The following RBFOX1 variants were observed in gnomAD, a reference collection of about 807,000 sequenced individuals.
RBFOX1 encodes RNA binding protein fox-1 homolog 1.
In RBFOX1, 8 loss-of-function variants were observed where a neutral mutation model predicts 57.7. The ratio of observed to expected loss-of-function variants is 0.14; its 90% CI spans 0.08 to 0.25. RBFOX1 has a LOEUF of 0.25. RBFOX1 is among the 10% of genes least tolerant of loss of function. RBFOX1 has a pLI of 1.00. For missense variants in RBFOX1, 611 were observed against 548.5 expected (o/e 1.11, Z -1.14); for synonymous variants, 326 against 222.4 (o/e 1.47, Z -4.15).
chr16:7,022,276 C>G (rs1033000090), intron 3 of RBFOX1, among the ~76,000 whole-genome samples: 3 of 151,212 alleles, frequency 2.0e-5, no homozygotes, highest in Non-Finnish European at 4.4e-5. Flanking sequence ...TCGTCTTGAA[C>G]TCAAGACATT....
intron 1 of RBFOX1, among the ~76,000 whole-genome samples, chr16:6,111,267 C>T (rs2096443603): frequency 6.6e-6 from 1 of 152,210 alleles, no homozygotes; most frequent in Non-Finnish European, 1.5e-5. Flanking sequence ...CATTGTTGGA[C>T]ATACAGGTCT....
chr16:6,796,092 C>G (rs886826030), intron 3 of RBFOX1, among the ~76,000 whole-genome samples: 1 of 152,124 alleles, frequency 6.6e-6, no homozygotes. Context: ...GCTTACATTT[C>G]CACGTGGCTG....
chr16:5,557,893 C>T (rs2151098506), intron 2 of RBFOX1, among the ~76,000 whole-genome samples: 1 of 152,308 alleles, frequency 6.6e-6, no homozygotes, highest in African/African-American at 2.4e-5. Flanking sequence ...CACCGACAAA[C>T]AGCTGAAGGT....
intron 4 of RBFOX1, among the ~76,000 whole-genome samples, chr16:5,938,052 A>G (rs1457356258): frequency 6.6e-6 from 1 of 152,144 alleles, no homozygotes; most frequent in East Asian, 1.9e-4. Context: ...TCACATGAGT[A>G]TTTATTTTTT....
chr16:6,710,154 G>C lies in RBFOX1; in HGVS notation c.-16+55504G>C, dbSNP rs12597080. Among the ~76,000 whole-genome samples, 602 of 152,274 alleles carry C rather than the reference G, an allele frequency of 4.0e-3. 19 individuals are homozygous for C. The East Asian group carries it at 0.059, about 15-fold the overall frequency. ...ACTGAGGGGAGTCCAAATCCAAGCC[G>C]TGTGTCTCTAGAACTGTAGTTTCTA... On this transcript the variant is annotated intron_variant, in intron 3 of 15. Coordinates refer to ENST00000550418, the MANE Select transcript of RBFOX1 (RefSeq NM_018723.4).
intron 4 of RBFOX1, among the ~76,000 whole-genome samples, chr16:7,132,522 G>T (rs1843096549): frequency 1.4e-5 from 2 of 147,724 alleles, no homozygotes; most frequent in Non-Finnish European, 3.0e-5. Flanking sequence ...ATGTATTCAG[G>T]TATAAGTATT....
chr16:5,804,600 C>T (rs1325002634), intron 3 of RBFOX1, among the ~76,000 whole-genome samples: 2 of 152,084 alleles, frequency 1.3e-5, no homozygotes. Context: ...AGGGGACCTG[C>T]CCTCTGTGTG....
rs377142465 is a variant in RBFOX1, at chr16:7,253,157, C to A, written c.27+201059C>A. On this transcript the variant is annotated intron_variant, in intron 4 of 15. Transcript: ENST00000550418. Reference sequence around the variant, plus strand: ...TTTTGATGGCTCCGCTGGATAAAATCTCTTCTCCACTTTCTTGTTTCTTTG... The same window carrying A: ...TTTTGATGGCTCCGCTGGATAAAATATCTTCTCCACTTTCTTGTTTCTTTG... Among the ~76,000 whole-genome samples, 47 of 152,318 alleles carry A rather than the reference C, an allele frequency of 3.1e-4. No homozygotes were observed. In the South Asian group the frequency reaches 9.7e-3, roughly 32 times the overall value.
At chr16:7,665,567 G>A (rs2068997008) in intron 13 of RBFOX1, among the ~76,000 whole-genome samples, 1 of 152,036 alleles carries the variant, frequency 6.6e-6, no homozygotes, top group African/African-American at 2.4e-5. Context: ...TTGCTAAATA[G>A]TAACACTTTA....
At chr16:7,281,582 A>G (rs1398454166) in intron 4 of RBFOX1, among the ~76,000 whole-genome samples, 4 of 152,122 alleles carry the variant, frequency 2.6e-5, no homozygotes, top group Non-Finnish European at 5.9e-5. Flanking sequence ...TGGGCACAAT[A>G]TCTGGTGTTG....
chr16:7,121,380 C>T lies in RBFOX1; in HGVS notation c.27+69282C>T, dbSNP rs1342228591. ...TATAAAATCCCAAGGAACTCTAAAA[C>T]CTCTTAGGTGAAAACATAAATATCA... On this transcript the variant is annotated intron_variant, in intron 4 of 15. Transcript: ENST00000550418. Among the ~76,000 whole-genome samples the T allele has an allele frequency of 5.3e-5, 8 of 152,108 alleles. 1 individual carries two copies. The East Asian group carries it at 1.5e-3, about 29-fold the overall frequency.
chr16:6,700,423 C>T (rs548625893), intron 3 of RBFOX1, among the ~76,000 whole-genome samples: 6 of 151,922 alleles, frequency 3.9e-5, no homozygotes, highest in South Asian at 4.2e-4. Flanking sequence ...TTTGGGAGGC[C>T]GAAGCAGGCG....
intron 10 of RBFOX1, among the ~76,000 whole-genome samples, chr16:7,620,049 TATTATGTTTAGC>T (rs1355483105): frequency 1.1e-4 from 16 of 152,240 alleles, no homozygotes; most frequent in Admixed American, 1.0e-3. Context: ...TGCCATTAAC[TATTATGTTTAGC>T]ATTATGTTTA....
rs552336973 is a variant in RBFOX1 at position 5,597,031 on chromosome 16, C to A, written c.259-1871C>A. On this transcript the variant is annotated intron_variant, in intron 2 of 2. Transcript: ENST00000585867. ...TACTAGAAAACTGCAAAAAGAGAAA[C>A]AATAAAATATGTGTCTTCTCATTAT... Among the ~76,000 whole-genome samples, 10 of 152,222 alleles carry A rather than the reference C, an allele frequency of 6.6e-5. No homozygotes were observed. The East Asian group carries it at 1.9e-3, about 29-fold the overall frequency.
At chr16:5,895,720 C>G (rs2058148024) in intron 4 of RBFOX1, among the ~76,000 whole-genome samples, 1 of 152,188 alleles carries the variant, frequency 6.6e-6, no homozygotes, top group Non-Finnish European at 1.5e-5. Context: ...TAAGGGGCAT[C>G]TCGCAGGGGT....
At chr16:6,841,065 G>A (rs927284999) in intron 3 of RBFOX1, among the ~76,000 whole-genome samples, 7 of 151,936 alleles carry the variant, frequency 4.6e-5, no homozygotes, top group East Asian at 1.9e-4. Flanking sequence ...CAAGCCACCT[G>A]TTTGTTTGTT....
chr16:7,480,074 A>G (rs553983862), intron 4 of RBFOX1, among the ~76,000 whole-genome samples: 6 of 152,144 alleles, frequency 3.9e-5, no homozygotes, highest in East Asian at 3.9e-4. Flanking sequence ...TGAATGGTCT[A>G]TGTGAGCTGT....
chr16:7,078,339 C>G (rs1368640221), intron 4 of RBFOX1, among the ~76,000 whole-genome samples: 1 of 152,130 alleles, frequency 6.6e-6, no homozygotes, highest in Non-Finnish European at 1.5e-5. Context: ...TGTTTATAAC[C>G]AACCCCATAT....
chr16:6,073,601 A>T (rs2095861653), intron 1 of RBFOX1, among the ~76,000 whole-genome samples: 1 of 152,208 alleles, frequency 6.6e-6, no homozygotes, highest in African/African-American at 2.4e-5. Context: ...TTGGAAGTAA[A>T]ATGACAAATT....
Sources: allele counts gnomAD v4.1 joint callset (sites outside exome capture counted in the v4.1 genomes callset), GRCh38; gene constraint gnomAD v4.1.1; transcripts MANE v1.5; gene names NCBI Gene and HGNC (gene_info 2026-07-23, HGNC 2026-07-21).